RHBDF1: variants seen among roughly 807,000 people sequenced by gnomAD.
RHBDF1 encodes the protein inactive rhomboid protein 1.
In RHBDF1, 80 loss-of-function variants were observed where a neutral mutation model predicts 98.6. The ratio of observed to expected loss-of-function variants is 0.81; its 90% CI spans 0.68 to 0.98. The LOEUF (loss-of-function observed/expected upper bound fraction) is 0.98, where lower values mean the gene tolerates loss of function less well. Among genes scored for constraint, RHBDF1 ranks in the 50% least tolerant of loss-of-function variants. The pLI is 0.00. For synonymous variants in RHBDF1, 512 were observed against 486.8 expected, an observed-to-expected ratio of 1.05 and a Z score of -0.68; for missense variants, 1,116 against 1,198.3, an observed-to-expected ratio of 0.93 and a Z score of 1.01.
intron 1 of RHBDF1, among the ~76,000 whole-genome samples, chr16:66,743 T>A (rs1897840557): frequency 6.6e-6 from 1 of 152,182 alleles, no homozygotes; most frequent in South Asian, 2.1e-4. Flanking sequence ...TCCATCCACA[T>A]GGCCCCCTAA....
chr16:65,091 T>G, intron 1 of RHBDF1, 52 bp from the exon 2 acceptor site: 1 of 1,475,330 alleles, frequency 6.8e-7, no homozygotes. Context: ...ATCTGAAGAT[T>G]CATTGCACCC....
intron 1 of RHBDF1, among the ~76,000 whole-genome samples, chr16:68,660 G>A (rs1300368090): frequency 3.8e-5 from 1 of 26,586 alleles, no homozygotes; most frequent in African/African-American, 4.5e-5. Context: ...AGGACCAGCT[G>A]GGGGGGCTGC....
Position 63,577 on chromosome 16 carries a change from G to A in RHBDF1, c.462+10C>T. ...AGGGGCCTGCAGGAGGCAGCAACAG[G>A]CAGGCATACCTTCTGCATGCCCAGC... On this transcript the variant is annotated intron_variant, in intron 4 of 17. Coordinates refer to ENST00000262316, the MANE Select transcript of RHBDF1 (RefSeq NM_022450.5). 1 of 1,532,164 alleles carries A rather than the reference G, an allele frequency of 6.5e-7. No individual in the cohort carries two copies. The highest frequency in any genetic ancestry group is 1.2e-5 in the South Asian group (1 of 81,014). 94.9% of individuals were successfully genotyped at this position (1,532,164 alleles called of 1,614,324 possible). A position where few individuals can be genotyped will look rare whatever the true frequency, so the allele number is the denominator to read the frequency against.
At chr16:74,046 A>G, upstream of RHBDF1, 1 of 627,616 alleles carries the variant, frequency 1.6e-6, no homozygotes, top group Non-Finnish European at 2.0e-6. Flanking sequence ...CTCATGTAGA[A>G]GGAGACAATG....
Position 63,164 on chromosome 16 carries a change from G to T in RHBDF1, c.481C>A (p.Arg161Ser). 1.3e-6 allele frequency: 2 copies of T among 1,579,958 alleles called. No individual in the cohort carries two copies. The highest frequency in any genetic ancestry group is 2.3e-5 in the East Asian group (1 of 43,584). Residue 161 changes from arginine to serine, a missense_variant, in exon 5 of 18, where the codon CGT becomes AGT. Physicochemically the swap from Arg to Ser is moderately radical, Grantham distance 110. Transcript: ENST00000262316. Reference protein sequence around the residue: ...GMQKIIDPLARGRAFRVADDT... With the variant: ...GMQKIIDPLASGRAFRVADDT... ...TCTGCCACACGGAAGGCACGGCCAC[G>T]GGCCAGGGGGTCTATGATCTGGAGG...
chr16:72,742 C>T, upstream of RHBDF1: 1 of 965,246 alleles, frequency 1.0e-6, no homozygotes, highest in South Asian at 4.8e-5. Context: ...AAGTCACCTC[C>T]TCCCGGAAGG....
chr16:62,118 G>A (rs560987617), intron 7 of RHBDF1, 66 bp from the exon 8 acceptor site: 7 of 1,427,428 alleles, frequency 4.9e-6, no homozygotes, highest in Non-Finnish European at 6.4e-6. Context: ...TCCCCGGGGG[G>A]CACCAGGGCA....
At chr16:68,430 TC>T (rs1897885132) in intron 1 of RHBDF1, among the ~76,000 whole-genome samples, 1 of 152,164 alleles carries the variant, frequency 6.6e-6, no homozygotes, top group Admixed American at 6.5e-5. Flanking sequence ...GTCCAGGCCT[TC>T]CCCAGGCGCA....
chr16:68,116 G>T (rs1297347747), intron 1 of RHBDF1, among the ~76,000 whole-genome samples: 1 of 152,178 alleles, frequency 6.6e-6, no homozygotes, highest in African/African-American at 2.4e-5. Context: ...AGCTCATGAA[G>T]GAGGCACCAG....
intron 1 of RHBDF1, among the ~76,000 whole-genome samples, chr16:69,622 C>T (rs1897919271): frequency 6.6e-6 from 1 of 152,074 alleles, no homozygotes; most frequent in African/African-American, 2.4e-5. Context: ...AGCCCAGCCT[C>T]CAGGTCTTCT....
chr16:73,226 G>GCA (rs931874188), upstream of RHBDF1, among the ~76,000 whole-genome samples: 3 of 151,980 alleles, frequency 2.0e-5, no homozygotes, highest in Non-Finnish European at 4.4e-5. Flanking sequence ...ACATACACGT[G>GCA]CACACACACA....
At position 63,743 on chromosome 16, in the gene RHBDF1, C is replaced by T. The variant is rs1567116195; in HGVS notation, c.306G>A (p.Gln102=). 6.2e-7 allele frequency: 1 copy of T among 1,613,938 alleles called. No homozygotes were observed. The highest frequency in any genetic ancestry group is 8.5e-7 in the Non-Finnish European group (1 of 1,179,990). The change falls in exon 4 of 18, where the codon CAG becomes CAA. Residue 102 remains glutamine, a synonymous_variant. Coordinates refer to ENST00000262316, the MANE Select transcript of RHBDF1 (RefSeq NM_022450.5). ...SKDSDSTQKW[Q]RKSIRHCSQR... Reference sequence around the variant, plus strand: ...GGCTGCAGTGACGGATGCTCTTGCGCTGCCATTTCTGGGTGCTGTCACTGT... The same window carrying T: ...GGCTGCAGTGACGGATGCTCTTGCGTTGCCATTTCTGGGTGCTGTCACTGT...
At chr16:67,600 T>A (rs1366128309) in intron 1 of RHBDF1, among the ~76,000 whole-genome samples, 5 of 152,162 alleles carry the variant, frequency 3.3e-5, no homozygotes, top group Non-Finnish European at 7.4e-5. Flanking sequence ...CACCCTCCCC[T>A]GTGTGGGAGG....
intron 1 of RHBDF1, among the ~76,000 whole-genome samples, chr16:68,550 C>T (rs1028572323): frequency 2.0e-5 from 3 of 152,240 alleles, no homozygotes; most frequent in Non-Finnish European, 4.4e-5. Context: ...GAAGGCCTCA[C>T]TGCCTGGGGT....
rs1482054402 is a variant in RHBDF1 at position 58,210 on chromosome 16, G to GAA, written c.*129_*130insTT. On this transcript the variant is annotated 3_prime_UTR_variant, in exon 18 of 18. Coordinates refer to ENST00000262316, the MANE Select transcript of RHBDF1 (RefSeq NM_022450.5). Reference sequence around the variant, plus strand: ...ACAGAAGTGAACAAGGCACAAGAAAGAGGTCTGTGTTCAGGAAACAGGCCA... The same window carrying GAA: ...ACAGAAGTGAACAAGGCACAAGAAAGAAAGGTCTGTGTTCAGGAAACAGGCCA... 7.5e-6 allele frequency: 6 copies of GAA among 805,288 alleles called. No individual in the cohort carries two copies. The highest frequency in any genetic ancestry group is 9.7e-6 in the Non-Finnish European group (5 of 513,616). 49.9% of individuals were successfully genotyped at this position (805,288 alleles called of 1,614,324 possible).
At chr16:64,020 C>G in intron 3 of RHBDF1, 1 of 707,632 alleles carries the variant, frequency 1.4e-6, no homozygotes, top group South Asian at 1.6e-5. Flanking sequence ...GCTGGCCTTG[C>G]CCGGTTGAGT....
At chr16:72,689 T>G (rs1490306428), upstream of RHBDF1, 3 of 980,944 alleles carry the variant, frequency 3.1e-6, no homozygotes, top group Non-Finnish European at 3.6e-6. Flanking sequence ...GCGGTCGCGC[T>G]GACTCAGAGC....
In RHBDF1 at chr16:64,894, C is replaced by T; in HGVS notation, c.117+5G>A. ...CACCCACAGTCCCTGCAGGCCAGGG[C>T]CTACCTGCAGGAAGCTGGGCTCTTC... is the stretch of plus-strand genomic sequence containing the variant. On this transcript the variant is annotated splice_donor_5th_base_variant and intron_variant, in intron 2 of 17. Coordinates refer to ENST00000262316, the MANE Select transcript of RHBDF1 (RefSeq NM_022450.5). 6.2e-7 allele frequency: 1 copy of T among 1,611,178 alleles called. No individual in the cohort carries two copies. Among genetic ancestry groups the T allele is most frequent in the East Asian group, 2.2e-5 (1 of 44,782 alleles).
rs867453552 is a variant in RHBDF1, at chr16:62,844, A to G, written c.726T>C (p.Thr242=). The G allele has an allele frequency of 5.0e-6, 8 of 1,614,018 alleles. No individual in the cohort carries two copies. The highest frequency in any genetic ancestry group is 1.7e-5 in the Admixed American group (1 of 60,034). The change falls in exon 6 of 18, where the codon ACT becomes ACC. Residue 242 remains threonine (T), a synonymous_variant. Coordinates refer to ENST00000262316, the MANE Select transcript of RHBDF1 (RefSeq NM_022450.5). ...TFRRAQRRSF[T]PASFLEEDTT... ...TGTCCTCCTCCAGAAAGCTAGCTGG[A>G]GTGAAGCTTCGACGCTGTGCCCGGC...
Sources: gnomAD v4.1 joint callset for allele counts (sites outside exome capture counted in the v4.1 genomes callset) on GRCh38, gnomAD v4.1.1 for gene constraint, MANE v1.5 for transcripts, NCBI Gene and HGNC (gene_info 2026-07-23, HGNC 2026-07-21) for gene names.